Variants in FAF1 observed in about 807,000 individuals in gnomAD.
FAF1 encodes Fas associated factor 1, also known as FAS-associated factor 1.
A neutral mutation model predicts 92.5 loss-of-function variants in FAF1; 25 were observed. The observed-to-expected ratio is 0.27, with a 90% confidence interval of 0.20 to 0.38. FAF1 has a LOEUF of 0.38. FAF1 is among the 10% of genes least tolerant of loss of function. The pLI is 1.00. For synonymous variants in FAF1, 234 were observed against 273.2 expected, an observed-to-expected ratio of 0.86 and a Z score of 1.42; for missense variants, 636 against 793.3, an observed-to-expected ratio of 0.80 and a Z score of 2.38.
chr1:50,476,803 A>C (rs984219512), intron 17 of FAF1, among the ~76,000 whole-genome samples: 5 of 152,220 alleles, frequency 3.3e-5, no homozygotes, highest in South Asian at 2.1e-4. Context: ...GTGAAAAAAA[A>C]CCAATAAAAT....
intron 14 of FAF1, among the ~76,000 whole-genome samples, 196 bp from the exon 15 acceptor site, chr1:50,535,653 G>A (rs1648438792): frequency 6.6e-6 from 1 of 152,102 alleles, no homozygotes; most frequent in Non-Finnish European, 1.5e-5. Context: ...TAGTATACTG[G>A]CAGTTGAAAT....
In FAF1 at chr1:50,959,724, C is replaced by G. The variant is rs759208695; in HGVS notation, c.45+43G>C. On this transcript the variant is annotated intron_variant, in intron 1 of 18. Transcript: ENST00000396153. The stretch of plus-strand genomic sequence containing the variant: ...AGACTCCCTTGTGGCACCGGAAACC[C>G]ACGAGGTTGGAAGTGGGAGGGGAAG... The G allele has an allele frequency of 4.5e-6, 7 of 1,568,656 alleles. 1 individual carries two copies. The South Asian group carries it at 7.9e-5, about 18-fold the overall frequency.
At chr1:50,794,772 C>T (rs1661684071) in intron 3 of FAF1, among the ~76,000 whole-genome samples, 1 of 151,376 alleles carries the variant, frequency 6.6e-6, no homozygotes, top group African/African-American at 2.4e-5. Context: ...TACAGGTGCC[C>T]ACCACCTCAC....
chr1:50,930,940 T>C (rs1645042393), intron 1 of FAF1, among the ~76,000 whole-genome samples: 1 of 152,246 alleles, frequency 6.6e-6, no homozygotes, highest in Non-Finnish European at 1.5e-5. Context: ...TAATACTCCT[T>C]AACTTGAAGT....
At chr1:50,789,040 G>A (rs2124574908) in intron 3 of FAF1, among the ~76,000 whole-genome samples, 1 of 152,050 alleles carries the variant, frequency 6.6e-6, no homozygotes, top group South Asian at 2.1e-4. Flanking sequence ...TGTTAATGTT[G>A]CCCGGGCTAG....
At chr1:50,865,074 A>C (rs1490505713) in intron 1 of FAF1, among the ~76,000 whole-genome samples, 1 of 152,196 alleles carries the variant, frequency 6.6e-6, no homozygotes, top group Non-Finnish European at 1.5e-5. Flanking sequence ...GCAGCCAAAA[A>C]ACACATGAAA....
chr1:50,724,035 C>A (rs955600713), intron 6 of FAF1, among the ~76,000 whole-genome samples: 3 of 151,964 alleles, frequency 2.0e-5, no homozygotes, highest in Non-Finnish European at 2.9e-5. Flanking sequence ...AGGCGTGAGC[C>A]ACCACACCCA....
intron 7 of FAF1, among the ~76,000 whole-genome samples, chr1:50,703,106 CTT>C (rs1376389208): frequency 6.6e-6 from 1 of 151,736 alleles, no homozygotes; most frequent in African/African-American, 2.4e-5. Flanking sequence ...AGGATTTATT[CTT>C]GGACCTATTA....
chr1:50,828,832 T>G (rs922918454), intron 2 of FAF1, among the ~76,000 whole-genome samples: 4 of 152,142 alleles, frequency 2.6e-5, no homozygotes, highest in African/African-American at 9.7e-5. Context: ...AATTAGTTAT[T>G]CTTGCTTATT....
chr1:50,840,378 T>G (rs1303069315), intron 2 of FAF1, among the ~76,000 whole-genome samples: 1 of 151,968 alleles, frequency 6.6e-6, no homozygotes, highest in Non-Finnish European at 1.5e-5. Context: ...GTACCCACAA[T>G]ATATAAAGAA....
At chr1:50,651,181 G>A (rs1015939643) in intron 8 of FAF1, among the ~76,000 whole-genome samples, 8 of 152,162 alleles carry the variant, frequency 5.3e-5, no homozygotes, top group African/African-American at 1.9e-4. Flanking sequence ...TTAATGAGAA[G>A]TATACTGAAC....
intron 8 of FAF1, among the ~76,000 whole-genome samples, chr1:50,642,460 C>A (rs1451637650): frequency 2.6e-5 from 4 of 151,728 alleles, no homozygotes; most frequent in African/African-American, 4.8e-5. Flanking sequence ...ACCAGCTTGG[C>A]CAATACGGTG....
intron 18 of FAF1, among the ~76,000 whole-genome samples, chr1:50,469,187 CCA>C: frequency 6.6e-6 from 1 of 152,258 alleles, no homozygotes; most frequent in Middle Eastern, 3.4e-3. Context: ...TAATCCAGGA[CCA>C]GTTTTCTTTA....
intron 7 of FAF1, among the ~76,000 whole-genome samples, chr1:50,692,246 T>C (rs1327289378): frequency 3.2e-5 from 2 of 62,944 alleles, no homozygotes; most frequent in Admixed American, 1.3e-4. Context: ...ATTTACTGTG[T>C]GTGTGTGTGT....
chr1:50,581,673 G>A (rs939684092), intron 12 of FAF1, among the ~76,000 whole-genome samples: 1 of 152,162 alleles, frequency 6.6e-6, no homozygotes, highest in Non-Finnish European at 1.5e-5. Context: ...GGTAGGTGCT[G>A]CCAATGTGAG....
At chr1:50,781,608 A>G (rs2124562839) in intron 4 of FAF1, among the ~76,000 whole-genome samples, 1 of 152,324 alleles carries the variant, frequency 6.6e-6, no homozygotes, top group Non-Finnish European at 1.5e-5. Context: ...TCCAGACCAG[A>G]TGATCAATAT....
rs564019947 is a variant in FAF1 at position 50,732,888 on chromosome 1, T to C, written c.551+5975A>G. 2.0e-5 allele frequency among the ~76,000 whole-genome samples: 3 copies of C among 150,614 alleles called. No homozygotes were observed. In the East Asian group the frequency reaches 5.8e-4, roughly 29 times the overall value. On this transcript the variant is annotated intron_variant, in intron 6 of 18. Coordinates refer to ENST00000396153, the MANE Select transcript of FAF1 (RefSeq NM_007051.3). ...TTCTTCTAGATGTATGCAGGTTATT[T>C]ACTTCTTTTTTTTTTTAGTGTTTAT...
At chr1:50,639,103 A>G (rs1170635533) in intron 8 of FAF1, among the ~76,000 whole-genome samples, 2 of 152,206 alleles carry the variant, frequency 1.3e-5, no homozygotes, top group Non-Finnish European at 2.9e-5. Context: ...TGTCATCATT[A>G]ACTTAAGTAT....
chr1:50,917,436 CAG>C lies in FAF1; in HGVS notation c.45+42329_45+42330del, dbSNP rs201764077. Among the ~76,000 whole-genome samples, 490 of 152,178 alleles carry C rather than the reference CAG, an allele frequency of 3.2e-3. 14 individuals are homozygous for C. The highest frequency in any genetic ancestry group is 0.027 in the Admixed American group (419 of 15,266). On this transcript the variant is annotated intron_variant, in intron 1 of 18. Transcript: ENST00000396153. The stretch of plus-strand genomic sequence containing the variant: ...ACCAACAAATAAAAATAGAAACCAG[CAG>C]AGATTTTTGCAGCAATCAGAGGGCC...
Sources: gnomAD v4.1 joint callset for allele counts (sites outside exome capture counted in the v4.1 genomes callset) on GRCh38, gnomAD v4.1.1 for gene constraint, MANE v1.5 for transcripts, NCBI Gene and HGNC (gene_info 2026-07-23, HGNC 2026-07-21) for gene names.